The following FBXL13 variants were observed in gnomAD, a reference collection of about 807,000 sequenced individuals.
FBXL13 encodes F-box and leucine-rich repeat protein 13.
Under a neutral mutation model 83.6 loss-of-function variants are expected in FBXL13, and 67 were observed. That is an observed-to-expected ratio of 0.80 (90% CI 0.66 to 0.98). The LOEUF is 0.98. Ranked by LOEUF, FBXL13 falls within the 50% of genes least tolerant of loss-of-function variation. FBXL13 has a pLI of 0.00. For synonymous variants in FBXL13, 272 were observed against 299.5 expected (o/e 0.91, Z 0.95); for missense variants, 822 against 866.5 (o/e 0.95, Z 0.64).
rs750761144 is a variant in FBXL13 at position 102,934,152 on chromosome 7, C to T, written c.725-2219G>A. 4 of 1,614,186 alleles carry T rather than the reference C, an allele frequency of 2.5e-6. No homozygotes were observed. In the South Asian group the frequency reaches 3.3e-5, roughly 13 times the overall value. On this transcript the variant is annotated intron_variant, in intron 8 of 19. Transcript: ENST00000313221. ...TTAGTTTATGTGCTGCCTGGTTGGCCTCAGGATTTGCTGCACATGCTGCTA... is the reference window on the plus strand; with the variant it reads ...TTAGTTTATGTGCTGCCTGGTTGGCTTCAGGATTTGCTGCACATGCTGCTA...
chr7:102,973,829 C>T, intron 6 of FBXL13: 1 of 708,232 alleles, frequency 1.4e-6, no homozygotes, highest in Non-Finnish European at 2.6e-6. Flanking sequence ...CTCTTGGTTT[C>T]TCCAGTCTGA....
exon 4 of FBXL13, chr7:103,028,675 A>G (rs1033015602): frequency 6.2e-7 from 1 of 1,604,442 alleles, no homozygotes; most frequent in Non-Finnish European, 8.5e-7. Flanking sequence ...CTGAAATTGT[A>G]GCATGTCACT....
intron 8 of FBXL13, among the ~76,000 whole-genome samples, chr7:102,948,315 C>T (rs1324612011): frequency 6.6e-6 from 1 of 152,118 alleles, no homozygotes; most frequent in East Asian, 1.9e-4. Context: ...CCGCCCACCT[C>T]AGCTTCCCAA....
At chr7:102,944,525 A>G in intron 8 of FBXL13, 1 of 1,613,956 alleles carries the variant, frequency 6.2e-7, no homozygotes, top group Non-Finnish European at 8.5e-7. Flanking sequence ...TTTGACCAAG[A>G]CACAGAAGAT....
chr7:102,983,247 G>A (rs989635437), intron 6 of FBXL13, among the ~76,000 whole-genome samples: 1 of 152,024 alleles, frequency 6.6e-6, no homozygotes, highest in Non-Finnish European at 1.5e-5. Context: ...CTGAGGTGGA[G>A]AAGCCACTAG....
intron 9 of FBXL13, among the ~76,000 whole-genome samples, chr7:102,930,551 C>T (rs539861020): frequency 5.3e-5 from 8 of 152,160 alleles, no homozygotes; most frequent in Non-Finnish European, 1.0e-4. Context: ...AATTGGCAGT[C>T]CCTTCTGATT....
intron 11 of FBXL13, among the ~76,000 whole-genome samples, chr7:102,891,124 G>A (rs1811487030): frequency 6.6e-6 from 1 of 152,192 alleles, no homozygotes; most frequent in Admixed American, 6.5e-5. Context: ...TGTGCTACGA[G>A]GGTTTGACAG....
chr7:102,827,740 T>G (rs1028115345), intron 18 of FBXL13, among the ~76,000 whole-genome samples: 1 of 152,128 alleles, frequency 6.6e-6, no homozygotes, highest in Admixed American at 6.6e-5. Flanking sequence ...TGTGTTCTCA[T>G]TGTTCAATTC....
intron 1 of FBXL13, among the ~76,000 whole-genome samples, chr7:103,068,586 C>A (rs1440352801): frequency 6.6e-6 from 1 of 152,200 alleles, no homozygotes; most frequent in Non-Finnish European, 1.5e-5. Context: ...CTGAAGTGAG[C>A]TGACAATGCA....
intron 11 of FBXL13, among the ~76,000 whole-genome samples, chr7:102,904,479 TA>T (rs1203873250): frequency 4.0e-5 from 6 of 151,714 alleles, no homozygotes; most frequent in East Asian, 2.0e-4. Context: ...ATGTTGGTGT[TA>T]TTTTTTTTCT....
chr7:103,073,865 C>T (rs1468062307), intron 1 of FBXL13, among the ~76,000 whole-genome samples: 2 of 152,198 alleles, frequency 1.3e-5, no homozygotes, highest in Non-Finnish European at 2.9e-5. Flanking sequence ...CTCTCTCCCT[C>T]ATTCTCCACA....
chr7:102,936,834 CAT>C (rs1186768401), intron 8 of FBXL13, among the ~76,000 whole-genome samples: 3 of 152,308 alleles, frequency 2.0e-5, no homozygotes, highest in Non-Finnish European at 2.9e-5. Flanking sequence ...GAAGAGATAA[CAT>C]GTGAGGAAAT....
intron 6 of FBXL13, among the ~76,000 whole-genome samples, chr7:103,007,298 A>C (rs1791089123): frequency 6.6e-6 from 1 of 152,088 alleles, no homozygotes; most frequent in Non-Finnish European, 1.5e-5. Flanking sequence ...CATCATAATC[A>C]AACTGCTGAA....
intron 6 of FBXL13, among the ~76,000 whole-genome samples, chr7:102,993,951 C>T (rs1376108533): frequency 1.3e-5 from 2 of 152,200 alleles, no homozygotes; most frequent in Non-Finnish European, 2.9e-5. Context: ...AAAACTAACA[C>T]TTCTAACCAT....
intron 1 of FBXL13, among the ~76,000 whole-genome samples, chr7:103,071,431 T>C (rs1351755659): frequency 6.6e-6 from 1 of 152,080 alleles, no homozygotes; most frequent in Admixed American, 6.6e-5. Flanking sequence ...TCACCCAGGC[T>C]GGAGTTCAGT....
chr7:102,829,263 G>GT lies in FBXL13; in HGVS notation c.1854+3576dup, dbSNP rs1319342062. 4.6e-5 allele frequency among the ~76,000 whole-genome samples: 7 copies of GT among 152,282 alleles called. No individual in the cohort carries two copies. The East Asian group carries it at 7.7e-4, about 17-fold the overall frequency. ...TTCTGTTGTCACTTGCTGCCTATCT[G>GT]TAAGTAATCTGCTTCATGAAGCTTT... On this transcript the variant is annotated intron_variant, in intron 18 of 19. Transcript: ENST00000313221.
chr7:103,032,373 A>T (rs905860108), intron 2 of FBXL13, among the ~76,000 whole-genome samples: 8 of 152,230 alleles, frequency 5.3e-5, no homozygotes, highest in African/African-American at 1.7e-4. Flanking sequence ...TTCATCCCCC[A>T]AATCTCATAA....
intron 11 of FBXL13, among the ~76,000 whole-genome samples, chr7:102,904,608 T>C (rs1199907038): frequency 6.6e-6 from 1 of 152,058 alleles, no homozygotes; most frequent in Non-Finnish European, 1.5e-5. Context: ...TTCATTTCAG[T>C]TTCATTTACT....
intron 17 of FBXL13, among the ~76,000 whole-genome samples, chr7:102,849,438 A>G (rs1804781172): frequency 6.6e-6 from 1 of 152,186 alleles, no homozygotes; most frequent in African/African-American, 2.4e-5. Flanking sequence ...AACTCTTGCA[A>G]AACCTAACCA....
Sources: gnomAD v4.1 joint callset for allele counts (sites outside exome capture counted in the v4.1 genomes callset) on GRCh38, gnomAD v4.1.1 for gene constraint, MANE v1.5 for transcripts, NCBI Gene and HGNC (gene_info 2026-07-23, HGNC 2026-07-21) for gene names.